GRM7: variants seen among roughly 807,000 people sequenced by gnomAD.
GRM7 encodes glutamate metabotropic receptor 7, also known as metabotropic glutamate receptor 7.
Under a neutral mutation model 84.5 loss-of-function variants are expected in GRM7, and 35 were observed. That is an observed-to-expected ratio of 0.41 (90% CI 0.32 to 0.55). The LOEUF (loss-of-function observed/expected upper bound fraction) is 0.55, where lower values mean the gene tolerates loss of function less well. GRM7 is among the 20% of genes least tolerant of loss of function. GRM7 has a pLI of 0.19. For synonymous variants in GRM7, 487 were observed against 455.1 expected (o/e 1.07, Z -0.89); for missense variants, 1,003 against 1,194.6 (o/e 0.84, Z 2.36).
intron 9 of GRM7, among the ~76,000 whole-genome samples, chr3:7,692,157 T>G (rs1165794956): frequency 1.3e-5 from 2 of 152,202 alleles, no homozygotes; most frequent in Admixed American, 1.3e-4. Context: ...GTCTTTTGGC[T>G]TGGTGAAATT....
chr3:7,105,430 T>C (rs532992353), intron 1 of GRM7, among the ~76,000 whole-genome samples: 1 of 152,028 alleles, frequency 6.6e-6, no homozygotes, highest in African/African-American at 2.4e-5. Context: ...GTCTCTCCTA[T>C]AGAAGTTTTT....
intron 4 of GRM7, among the ~76,000 whole-genome samples, chr3:7,344,428 TC>T (rs1163200290): frequency 2.0e-5 from 3 of 152,196 alleles, no homozygotes; most frequent in African/African-American, 4.8e-5. Flanking sequence ...ATGATCTCGT[TC>T]TTTTTATGGC....
intron 8 of GRM7, among the ~76,000 whole-genome samples, chr3:7,677,187 G>A (rs9873937): frequency 0.12 from 16,955 of 147,010 alleles, 1,617 homozygotes; most frequent in African/African-American, 0.26. Context: ...GCTTGAACCC[G>A]TGAGGCAGAG....
chr3:7,216,708 G>C (rs763892878), intron 2 of GRM7, among the ~76,000 whole-genome samples: 6 of 152,092 alleles, frequency 3.9e-5, no homozygotes, highest in Non-Finnish European at 8.8e-5. Context: ...AAATGTTTCT[G>C]TTACTCAAAC....
At chr3:7,430,677 A>G (rs1397655593) in intron 5 of GRM7, among the ~76,000 whole-genome samples, 3 of 152,200 alleles carry the variant, frequency 2.0e-5, no homozygotes, top group African/African-American at 7.2e-5. Context: ...GCTTATTCAT[A>G]ATAGCCCAGT....
intron 2 of GRM7, among the ~76,000 whole-genome samples, chr3:7,284,608 G>A (rs968975688): frequency 3.9e-5 from 6 of 152,042 alleles, no homozygotes; most frequent in Non-Finnish European, 8.8e-5. Flanking sequence ...TCCAAGCCAT[G>A]ACTATTGTTA....
intron 1 of GRM7, among the ~76,000 whole-genome samples, chr3:7,093,909 G>A (rs1486046343): frequency 6.6e-6 from 1 of 151,986 alleles, no homozygotes; most frequent in South Asian, 2.1e-4. Flanking sequence ...AACAAATGCA[G>A]GAGTTAGAAA....
chr3:7,626,979 C>A (rs1397849850), intron 8 of GRM7, among the ~76,000 whole-genome samples: 1 of 140,116 alleles, frequency 7.1e-6, no homozygotes, highest in Non-Finnish European at 1.5e-5. Context: ...ATATTGCCTT[C>A]TTTTGGCCAC....
chr3:6,872,731 G>A (rs1013883267), intron 1 of GRM7, among the ~76,000 whole-genome samples: 6 of 151,886 alleles, frequency 4.0e-5, no homozygotes, highest in Non-Finnish European at 7.4e-5. Context: ...TCCTGTTCCT[G>A]TGTTAGTTTG....
chr3:7,292,742 C>T (rs1211874555), intron 2 of GRM7, among the ~76,000 whole-genome samples: 1 of 149,672 alleles, frequency 6.7e-6, no homozygotes, highest in Non-Finnish European at 1.5e-5. Flanking sequence ...AAAAAACAAA[C>T]CATTGAGGCT....
chr3:7,682,088 C>G (rs977188487), intron 9 of GRM7: 1 of 152,190 alleles, frequency 6.6e-6, no homozygotes, highest in Non-Finnish European at 1.5e-5. Context: ...GTAATCCCAG[C>G]ACTTTGGGAG....
chr3:7,076,694 T>C (rs1000698337), intron 1 of GRM7, among the ~76,000 whole-genome samples: 1 of 152,122 alleles, frequency 6.6e-6, no homozygotes, highest in Non-Finnish European at 1.5e-5. Context: ...ACTCTAAAGA[T>C]CACTGTTCAA....
intron 1 of GRM7, among the ~76,000 whole-genome samples, chr3:6,896,447 G>T (rs1696185216): frequency 6.6e-6 from 1 of 152,164 alleles, no homozygotes; most frequent in Non-Finnish European, 1.5e-5. Context: ...TTCATGAATA[G>T]ATTTTGCTTG....
At chr3:7,398,249 A>G (rs144985584) in intron 4 of GRM7, among the ~76,000 whole-genome samples, 1 of 152,310 alleles carries the variant, frequency 6.6e-6, no homozygotes, top group African/African-American at 2.4e-5. Flanking sequence ...ACGGCCTACT[A>G]TGTGCTAACC....
intron 2 of GRM7, among the ~76,000 whole-genome samples, chr3:7,263,236 G>A (rs1312342276): frequency 6.6e-6 from 1 of 152,110 alleles, no homozygotes; most frequent in African/African-American, 2.4e-5. Flanking sequence ...TTACTCTGGG[G>A]GACTGGTATT....
intron 1 of GRM7, among the ~76,000 whole-genome samples, chr3:7,115,462 C>G (rs762307664): frequency 1.8e-4 from 27 of 152,212 alleles, no homozygotes; most frequent in Admixed American, 3.9e-4. Flanking sequence ...CCAGTATCTC[C>G]TTGCTGCTCC....
At chr3:7,005,713 G>A (rs1695158934) in intron 1 of GRM7, among the ~76,000 whole-genome samples, 1 of 152,086 alleles carries the variant, frequency 6.6e-6, no homozygotes, top group South Asian at 2.1e-4. Flanking sequence ...CAAAAATCCA[G>A]GCTTACTTCA....
At chr3:7,245,045 T>C (rs893268009) in intron 2 of GRM7, among the ~76,000 whole-genome samples, 3 of 152,004 alleles carry the variant, frequency 2.0e-5, no homozygotes, top group Non-Finnish European at 4.4e-5. Context: ...ATAAATTTAT[T>C]AGATGGGATT....
chr3:7,264,504 A>G (rs79572736), intron 2 of GRM7, among the ~76,000 whole-genome samples: 108 of 151,898 alleles, frequency 7.1e-4, no homozygotes, highest in Non-Finnish European at 1.3e-3. Flanking sequence ...CCTTTCCCCA[A>G]CAGTCATTCA....
Sources: allele counts gnomAD v4.1 joint callset (sites outside exome capture counted in the v4.1 genomes callset), GRCh38; gene constraint gnomAD v4.1.1; transcripts MANE v1.5; gene names NCBI Gene and HGNC (gene_info 2026-07-23, HGNC 2026-07-21).